Variants in MTX2 observed in about 807,000 individuals in gnomAD.
The protein encoded by MTX2 is metaxin 2, also known as metaxin-2.
Under a neutral mutation model 42.3 loss-of-function variants are expected in MTX2, and 35 were observed. The ratio of observed to expected loss-of-function variants is 0.83; its 90% confidence interval spans 0.63 to 1.10. The LOEUF is 1.10. Among genes scored for constraint, MTX2 ranks in the 50% least tolerant of loss-of-function variants. MTX2 has a pLI of 0.00. For missense variants in MTX2, 307 were observed against 304.1 expected (o/e 1.01, Z -0.07); for synonymous variants, 119 against 100.9 (o/e 1.18, Z -1.08).
chr2:176,311,277 C>T (rs1446958818), intron 3 of MTX2, among the ~76,000 whole-genome samples: 17 of 152,120 alleles, frequency 1.1e-4, no homozygotes. Context: ...CTGGAAGCTT[C>T]GTCCCAGAGG....
At chr2:176,292,779 T>C (rs1693357407) in intron 1 of MTX2, among the ~76,000 whole-genome samples, 2 of 152,214 alleles carry the variant, frequency 1.3e-5, no homozygotes, top group Non-Finnish European at 2.9e-5. Flanking sequence ...ATACAATTTA[T>C]CCTAAAAGGT....
Position 176,328,400 on chromosome 2 carries a change from G to T in MTX2, c.378+15G>T. The T allele has an allele frequency of 6.9e-7, 1 of 1,448,092 alleles. No homozygotes were observed. Among genetic ancestry groups the T allele is most frequent in the South Asian group, 1.4e-5 (1 of 71,846 alleles). The allele number at this position is 1,448,092 out of a possible 1,614,324, so 89.7% of individuals were successfully genotyped here. On this transcript the variant is annotated intron_variant, in intron 6 of 9. Transcript: ENST00000249442. ...TGACTGCAGAGGTAAAATACTAGAT[G>T]ATACGGCTTGAAAATAAGCTTTTTC...
At chr2:176,333,037 A>G (rs1193232980) in intron 9 of MTX2, among the ~76,000 whole-genome samples, 1 of 151,536 alleles carries the variant, frequency 6.6e-6, no homozygotes, top group Non-Finnish European at 1.5e-5. Context: ...TTGATATTCA[A>G]ATGAAAAAAT....
intron 1 of MTX2, among the ~76,000 whole-genome samples, chr2:176,273,359 G>T (rs567218239): frequency 5.0e-4 from 76 of 152,316 alleles, no homozygotes; most frequent in Non-Finnish European, 1.1e-3. Context: ...CTCAAATCCA[G>T]CAACTATTCA....
chr2:176,304,221 A>T (rs115172659), intron 3 of MTX2: 1 of 154,366 alleles, frequency 6.5e-6, no homozygotes, highest in African/African-American at 2.4e-5. Context: ...TTTATCTTCA[A>T]ACCCCTTCTG....
At chr2:176,311,500 T>C (rs1011427048) in intron 3 of MTX2, among the ~76,000 whole-genome samples, 16 of 152,232 alleles carry the variant, frequency 1.1e-4, no homozygotes, top group Non-Finnish European at 2.4e-4. Context: ...AGCTATGCCC[T>C]GCCCATGGAG....
chr2:176,271,694 A>G (rs1393088679), intron 1 of MTX2, among the ~76,000 whole-genome samples: 1 of 152,182 alleles, frequency 6.6e-6, no homozygotes, highest in Admixed American at 6.5e-5. Context: ...ACTTTTTGGG[A>G]ACGTAATGTA....
intron 9 of MTX2, among the ~76,000 whole-genome samples, chr2:176,333,212 A>G (rs1684901825): frequency 6.6e-6 from 1 of 151,556 alleles, no homozygotes; most frequent in East Asian, 1.9e-4. Flanking sequence ...TAGGAGGGGA[A>G]TTGCTATCTA....
At chr2:176,311,728 C>T (rs887996227) in intron 3 of MTX2, among the ~76,000 whole-genome samples, 1 of 152,228 alleles carries the variant, frequency 6.6e-6, no homozygotes, top group African/African-American at 2.4e-5. Context: ...GAGAGAATCA[C>T]CTTGTCTGCC....
chr2:176,304,413 A>G (rs1558934084), intron 3 of MTX2: 1 of 152,564 alleles, frequency 6.6e-6, no homozygotes, highest in Admixed American at 6.6e-5. Flanking sequence ...AAATATAATT[A>G]AGGTCTTAAT....
At chr2:176,278,041 GTTTTTTTTT>G (rs59379339) in intron 1 of MTX2, among the ~76,000 whole-genome samples, 2 of 84,836 alleles carry the variant, frequency 2.4e-5, no homozygotes, top group African/African-American at 5.5e-5. Flanking sequence ...GTTGAAACTG[GTTTTTTTTT>G]TTTTTTTTTT....
At chr2:176,293,384 C>T (rs1207618418) in intron 1 of MTX2, among the ~76,000 whole-genome samples, 1 of 152,142 alleles carries the variant, frequency 6.6e-6, no homozygotes, top group African/African-American at 2.4e-5. Flanking sequence ...TATATGAGCT[C>T]TGTCACTGAT....
intron 2 of MTX2, 56 bp downstream of exon 2, chr2:176,296,963 A>G: frequency 6.7e-7 from 1 of 1,500,930 alleles, no homozygotes; most frequent in Non-Finnish European, 9.3e-7. Context: ...TTATTACGGA[A>G]AAATCCTCAG....
At position 176,295,241 on chromosome 2, in the gene MTX2, ATAAT is replaced by A. The variant is rs1156873794; in HGVS notation, c.41-1617_41-1614del. Among the ~76,000 whole-genome samples the A allele has an allele frequency of 4.6e-5, 7 of 152,172 alleles. No homozygotes were observed. In the South Asian group the frequency reaches 6.2e-4, roughly 13 times the overall value. ...TGCTAGTAAGATTAATGTAATGCATATAATTGAATCTTTGATGATTTAGAATTTT... is the reference window on the plus strand; with the variant it reads ...TGCTAGTAAGATTAATGTAATGCATATGAATCTTTGATGATTTAGAATTTT... On this transcript the variant is annotated intron_variant, in intron 1 of 9. Transcript: ENST00000249442.
chr2:176,298,624 G>A (rs1406312821), intron 3 of MTX2, among the ~76,000 whole-genome samples: 1 of 152,134 alleles, frequency 6.6e-6, no homozygotes, highest in Non-Finnish European at 1.5e-5. Context: ...CTTAGCTTGT[G>A]TAGTTTAACA....
rs1235412205 is a variant in MTX2 at position 176,281,272 on chromosome 2, G to C, written c.40+11603G>C. Reference sequence around the variant, plus strand: ...GTTTGTCTCTCACTCATGATGTCTGGGTCTTAAGCTGAAAAGACTCAAAGG... The same window carrying C: ...GTTTGTCTCTCACTCATGATGTCTGCGTCTTAAGCTGAAAAGACTCAAAGG... On this transcript the variant is annotated intron_variant, in intron 1 of 9. Transcript: ENST00000249442. Among the ~76,000 whole-genome samples, 4 of 152,098 alleles carry C rather than the reference G, an allele frequency of 2.6e-5. No homozygotes were observed. In the East Asian group the frequency reaches 7.7e-4, roughly 29 times the overall value.
intron 1 of MTX2, among the ~76,000 whole-genome samples, chr2:176,295,180 C>G (rs1683831169): frequency 6.6e-6 from 1 of 151,992 alleles, no homozygotes; most frequent in Non-Finnish European, 1.5e-5. Context: ...AATATTTATT[C>G]TTTGAAATTT....
At chr2:176,313,448 A>C (rs1413655050) in intron 3 of MTX2, among the ~76,000 whole-genome samples, 1 of 134,378 alleles carries the variant, frequency 7.4e-6, no homozygotes, top group East Asian at 2.1e-4. Context: ...ACTGGAGTGC[A>C]GTGGTGTGAT....
chr2:176,310,909 G>C (rs1039995129), intron 3 of MTX2, among the ~76,000 whole-genome samples: 1 of 152,172 alleles, frequency 6.6e-6, no homozygotes. Context: ...GTCAACTTGT[G>C]AAAGTCATTC....
Sources: allele counts gnomAD v4.1 joint callset (sites outside exome capture counted in the v4.1 genomes callset), GRCh38; gene constraint gnomAD v4.1.1; transcripts MANE v1.5; gene names NCBI Gene and HGNC (gene_info 2026-07-23, HGNC 2026-07-21).